The following CARNS1 variants were observed in gnomAD, a reference collection of about 807,000 sequenced individuals.
The protein encoded by CARNS1 is carnosine synthase 1.
CARNS1 carries 61 observed loss-of-function variants against 74.0 expected under a neutral mutation model. The ratio of observed to expected loss-of-function variants is 0.82; its 90% CI spans 0.67 to 1.02. The LOEUF (loss-of-function observed/expected upper bound fraction) is 1.02. Among genes scored for constraint, CARNS1 ranks in the 50% least tolerant of loss-of-function variants. The probability of loss-of-function intolerance (pLI) is 0.00; values close to 1 mark genes in which losing one functional copy is unlikely to be tolerated. For synonymous variants in CARNS1, 568 were observed against 605.5 expected, an observed-to-expected ratio of 0.94 and a Z score of 0.91; for missense variants, 1,278 against 1,308.4, an observed-to-expected ratio of 0.98 and a Z score of 0.36.
chr11:67,424,789 T>C lies in CARNS1; in HGVS notation c.*188T>C. On this transcript the variant is annotated 3_prime_UTR_variant, in exon 10 of 10. Coordinates refer to ENST00000687366, the MANE Select transcript of CARNS1 (RefSeq NM_001166222.2). ...CCAAGGCATCCTGGACTCAAGGGCC[T>C]CTTGCCCTCCCGAAGGCCCCAGTCC... 2 of 685,976 alleles carry C rather than the reference T, an allele frequency of 2.9e-6. No individual in the cohort carries two copies. The highest frequency in any genetic ancestry group is 3.6e-5 in the African/African-American group (2 of 55,546). 42.5% of individuals were successfully genotyped at this position (685,976 alleles called of 1,614,324 possible).
rs934250366 is a variant in CARNS1 at position 67,425,530 on chromosome 11, C to G, written c.*929C>G. ...ATTCAGGGAAGATGCTTTAAGAAAT[C>G]CTGCCTCTGTGCAGCAGAGGAGCTG... is the stretch of plus-strand genomic sequence containing the variant. On this transcript the variant is annotated 3_prime_UTR_variant, in exon 10 of 10. Coordinates refer to ENST00000687366, the MANE Select transcript of CARNS1 (RefSeq NM_001166222.2). The G allele has an allele frequency of 2.4e-5, 4 of 169,224 alleles. No individual in the cohort carries two copies. The highest frequency in any genetic ancestry group is 9.5e-5 in the African/African-American group (4 of 41,988). 10.5% of individuals were successfully genotyped at this position (169,224 alleles called of 1,614,324 possible).
Position 67,417,666 on chromosome 11 carries a change from T to C in CARNS1, c.263T>C (p.Val88Ala), listed in dbSNP as rs1863582093. The change falls in exon 3 of 10, where the codon GTG becomes GCG. Residue 88 changes from valine (V) to alanine (A), a missense_variant. Physicochemically the swap from Val to Ala is moderately conservative, Grantham distance 64. This residue lies in a region of CARNS1 where 104 missense variants were observed against 127.3 expected (regional missense o/e 0.82). Coordinates refer to ENST00000687366, the MANE Select transcript of CARNS1 (RefSeq NM_001166222.2). ...GLPETQDRGQ[V>A]PRTGCPGAEV... ...CCGGAGACTCAGGACCGCGGCCAGG[T>C]GCCCCGCACAGGTGCCCAAGGGCTC... 2 of 1,259,320 alleles carry C rather than the reference T, an allele frequency of 1.6e-6. No homozygotes were observed. The highest frequency in any genetic ancestry group is 2.0e-6 in the Non-Finnish European group (2 of 1,000,592). The allele number at this position is 1,259,320 out of a possible 1,614,324, so 78.0% of individuals were successfully genotyped here. A position where few individuals can be genotyped will look rare whatever the true frequency, so the allele number is the denominator to read the frequency against.
intron 9 of CARNS1, among the ~76,000 whole-genome samples, chr11:67,422,662 A>G (rs1334087864): frequency 6.6e-6 from 1 of 152,190 alleles, no homozygotes; most frequent in African/African-American, 2.4e-5. Context: ...ACAGATAAGA[A>G]AACTGAGGCC....
In CARNS1 at chr11:67,425,175, C is replaced by A; in HGVS notation, c.*574C>A. 1 of 429,278 alleles carries A rather than the reference C, an allele frequency of 2.3e-6. No homozygotes were observed. The highest frequency in any genetic ancestry group is 1.6e-5 in the South Asian group (1 of 61,362). 26.6% of individuals were successfully genotyped at this position (429,278 alleles called of 1,614,324 possible). ...CCTGTGGACAGAAGTAATCCTCTTT[C>A]TGCTCACCCCAGGCAGACACAACTG... On this transcript the variant is annotated 3_prime_UTR_variant, in exon 10 of 10. Coordinates refer to ENST00000687366, the MANE Select transcript of CARNS1 (RefSeq NM_001166222.2).
chr11:67,417,007 T>C, intron 2 of CARNS1: 1 of 1,002,180 alleles, frequency 1.0e-6, no homozygotes, highest in Non-Finnish European at 1.2e-6. Flanking sequence ...ATTCATCTAC[T>C]CTTCAGTCAA....
chr11:67,418,376 G>A, intron 3 of CARNS1, 55 bp from the exon 4 acceptor site: 1 of 1,303,462 alleles, frequency 7.7e-7, no homozygotes, highest in Non-Finnish European at 1.0e-6. Context: ...TGGAAGGTGG[G>A]CAGAGAGACA....
At chr11:67,416,769 AG>A (rs1863555559) in intron 2 of CARNS1, 8 of 986,330 alleles carry the variant, frequency 8.1e-6, no homozygotes, top group Non-Finnish European at 9.6e-6. Context: ...CCAGCCTCAG[AG>A]AGGGGAGGGA....
In CARNS1 at chr11:67,417,464, G is replaced by A; in HGVS notation, c.61G>A (p.Glu21Lys). The change falls in exon 3 of 10, where the codon GAG becomes AAG. Residue 21 changes from glutamate to lysine, a missense_variant. Around this residue, in one of 3 missense-constraint regions of CARNS1, gnomAD observed 104 missense variants for 127.3 expected, o/e 0.82. Coordinates refer to ENST00000687366, the MANE Select transcript of CARNS1 (RefSeq NM_001166222.2). ...TTGCCCACTGGGCTCCAAGGACCTG[G>A]AGGAAGAGGGCCCCTGGGGAGGGGG... ...WDCPLGSKDL[E>K]EEGPWGGGSG... 1 of 1,448,756 alleles carries A rather than the reference G, an allele frequency of 6.9e-7. No individual in the cohort carries two copies. Among genetic ancestry groups the A allele is most frequent in the Non-Finnish European group, 9.1e-7 (1 of 1,103,630 alleles). The allele number at this position is 1,448,756 out of a possible 1,614,324, so 89.7% of individuals were successfully genotyped here. A position where few individuals can be genotyped will look rare whatever the true frequency, so the allele number is the denominator to read the frequency against.
At chr11:67,417,170 T>G in intron 2 of CARNS1, 1 of 1,214,378 alleles carries the variant, frequency 8.2e-7, no homozygotes, top group Non-Finnish European at 1.0e-6. Context: ...TGGCAAGACA[T>G]TGCTTCCTGC....
Position 67,423,905 on chromosome 11 carries a change from C to T in CARNS1, c.2157C>T (p.Gly719=). The T allele has an allele frequency of 6.2e-7, 1 of 1,613,704 alleles. No homozygotes were observed. Among genetic ancestry groups the T allele is most frequent in the Non-Finnish European group, 8.5e-7 (1 of 1,179,894 alleles). Residue 719 remains glycine (G), a synonymous_variant, in exon 10 of 10, where the codon GGC becomes GGT. Coordinates refer to ENST00000687366, the MANE Select transcript of CARNS1 (RefSeq NM_001166222.2). This position sits in a 1 kb window ranked among gnomAD's most constrained non-coding sequence, Gnocchi z 5.1. ...ADHPGIGLGW[G]NAMLLMEFVE... ...ACCCAGGCATTGGGCTGGGCTGGGG[C>T]AATGCCATGCTGCTGATGGAGTTTG... is the stretch of plus-strand genomic sequence containing the variant.
At position 67,424,392 on chromosome 11, in the gene CARNS1, C is replaced by A. The variant is rs373275544; in HGVS notation, c.2644C>A (p.Leu882Met). Reference sequence around the variant, plus strand: ...GAGTTCCACCGCCAGCCGTGAGACCCTGCAGGCCCTGCACGACCGTGGACT... The same window carrying A: ...GAGTTCCACCGCCAGCCGTGAGACCATGCAGGCCCTGCACGACCGTGGACT... Reference protein sequence around the residue: ...ALSSTASRETLQALHDRGLLR... With the variant: ...ALSSTASRETMQALHDRGLLR... The change falls in exon 10 of 10, where the codon CTG (leucine) becomes ATG (methionine). Residue 882 changes from leucine (L) to methionine (M), a missense_variant. Leu to Met is a conservative substitution (Grantham distance 15). Coordinates refer to ENST00000687366, the MANE Select transcript of CARNS1 (RefSeq NM_001166222.2). 6.3e-7 allele frequency: 1 copy of A among 1,592,086 alleles called. No homozygotes were observed. Among genetic ancestry groups the A allele is most frequent in the African/African-American group, 1.3e-5 (1 of 74,560 alleles).
intron 2 of CARNS1, chr11:67,417,202 C>A: frequency 3.3e-6 from 4 of 1,228,068 alleles, no homozygotes; most frequent in Non-Finnish European, 4.1e-6. Context: ...GGGCACCACA[C>A]AGAACAGTTT....
chr11:67,421,045 GGCCGCGCC>G lies in CARNS1; in HGVS notation c.1455_1462del (p.Pro487GlyfsTer76). ...CGTGCGGCGCGCTGGAGGGGCTGTG[GGCCGCGCC>G]GCGGCTGGGGCCGGCGGCCGACGAG... On this transcript the variant is annotated frameshift_variant, in exon 9 of 10. Transcript: ENST00000687366. LOFTEE classifies it high-confidence loss of function. 1 of 1,359,386 alleles carries G rather than the reference GGCCGCGCC, an allele frequency of 7.4e-7. No individual in the cohort carries two copies. The highest frequency in any genetic ancestry group is 9.4e-7 in the Non-Finnish European group (1 of 1,066,872). The allele number at this position is 1,359,386 out of a possible 1,614,324, so 84.2% of individuals were successfully genotyped here. A position where few individuals can be genotyped will look rare whatever the true frequency, so the allele number is the denominator to read the frequency against.
Position 67,423,965 on chromosome 11 carries a change from G to A in CARNS1, c.2217G>A (p.Leu739=). 6.2e-7 allele frequency: 1 copy of A among 1,613,568 alleles called. No individual in the cohort carries two copies. Among genetic ancestry groups the A allele is most frequent in the East Asian group, 2.2e-5 (1 of 44,890 alleles). ...EGTEHDVDLV[L]FGGRLLAAFV... is the part of the protein sequence containing the mutation. Reference sequence around the variant, plus strand: ...CCGAGCACGACGTGGACCTGGTGTTGTTTGGTGGGCGGTTGCTGGCTGCCT... The same window carrying A: ...CCGAGCACGACGTGGACCTGGTGTTATTTGGTGGGCGGTTGCTGGCTGCCT... The change falls in exon 10 of 10, where the codon TTG becomes TTA. Residue 739 remains leucine (L), a synonymous_variant. Coordinates refer to ENST00000687366, the MANE Select transcript of CARNS1 (RefSeq NM_001166222.2). The surrounding 1 kb of genome is among the most constrained non-coding windows in gnomAD (Gnocchi z 5.1).
Position 67,420,815 on chromosome 11 carries a change from G to T in CARNS1, c.1320G>T (p.Gly440=). 1.6e-6 allele frequency: 2 copies of T among 1,222,988 alleles called. No homozygotes were observed. Among genetic ancestry groups the T allele is most frequent in the Non-Finnish European group, 2.0e-6 (2 of 983,378 alleles). 75.8% of individuals were successfully genotyped at this position (1,222,988 alleles called of 1,614,324 possible). The part of the protein sequence containing the change: ...EAGLSAEQRG[G]RRAHTDFLGV... ...GCCTGAGTGCCGAGCAGCGCGGCGG[G>T]CGCCGGGCGCACACGGACTTCCTGG... The change falls in exon 8 of 10, where the codon GGG becomes GGT. Residue 440 remains glycine, a synonymous_variant. Coordinates refer to ENST00000687366, the MANE Select transcript of CARNS1 (RefSeq NM_001166222.2).
Position 67,421,017 on chromosome 11 carries a change from A to G in CARNS1, c.1424A>G (p.Glu475Gly). Reference protein sequence around the residue: ...ALELNGGLCLEACGALEGLWA... With the variant: ...ALELNGGLCLGACGALEGLWA... ...GAGCTGAACGGCGGCCTGTGTCTGG[A>G]GGCGTGCGGCGCGCTGGAGGGGCTG... Residue 475 changes from glutamate (E) to glycine (G), a missense_variant, in exon 9 of 10, where the codon GAG becomes GGG. This residue lies in a region of CARNS1 where 1,164 missense variants were observed against 1,156.5 expected (regional missense o/e 1.01). Transcript: ENST00000687366. 1 of 1,381,830 alleles carries G rather than the reference A, an allele frequency of 7.2e-7. No homozygotes were observed. The highest frequency in any genetic ancestry group is 9.3e-7 in the Non-Finnish European group (1 of 1,074,380). The allele number at this position is 1,381,830 out of a possible 1,614,324, so 85.6% of individuals were successfully genotyped here.
chr11:67,424,649 G>T lies in CARNS1; in HGVS notation c.*48G>T, dbSNP rs1223167200. The T allele has an allele frequency of 1.9e-6, 3 of 1,540,128 alleles. No individual in the cohort carries two copies. The highest frequency in any genetic ancestry group is 2.6e-6 in the Non-Finnish European group (3 of 1,143,530). On this transcript the variant is annotated 3_prime_UTR_variant, in exon 10 of 10. Coordinates refer to ENST00000687366, the MANE Select transcript of CARNS1 (RefSeq NM_001166222.2). ...AGCAGTGCTGGGTGGAGGCACTGTG[G>T]TGCCCTCTGCTCCCTGGAGCTCTTC...
rs1050740878 is a variant in CARNS1 at position 67,421,141 on chromosome 11, A to T, written c.1548A>T (p.Gly516=). 1.0e-4 allele frequency: 154 copies of T among 1,489,464 alleles called. No homozygotes were observed. The highest frequency in any genetic ancestry group is 1.3e-4 in the Non-Finnish European group (152 of 1,126,454). The allele number at this position is 1,489,464 out of a possible 1,614,324, so 92.3% of individuals were successfully genotyped here. A position where few individuals can be genotyped will look rare whatever the true frequency, so the allele number is the denominator to read the frequency against. ...GGTCGGCGCGCTGCCTCATGGAGGG[A>T]AAACAGCTGCTGGTGGTCGGCGCTG... is the stretch of plus-strand genomic sequence containing the variant. ...LRRSARCLME[G]KQLLVVGAGG... Residue 516 remains glycine (G), a synonymous_variant, in exon 9 of 10, where the codon GGA becomes GGT. Coordinates refer to ENST00000687366, the MANE Select transcript of CARNS1 (RefSeq NM_001166222.2).
At chr11:67,420,560 TG>T in intron 7 of CARNS1, 48 bp from the exon 8 acceptor site, 2 of 1,147,964 alleles carry the variant, frequency 1.7e-6, no homozygotes, top group Non-Finnish European at 2.2e-6. Flanking sequence ...GGGGTGTGCG[TG>T]GGGGGCAGGG....
Sources: gnomAD v4.1 joint callset for allele counts (sites outside exome capture counted in the v4.1 genomes callset) on GRCh38, gnomAD v4.1.1 for gene constraint, gnomAD v4.1.1 regional missense constraint, Gnocchi (gnomAD v3.1) non-coding constraint, MANE v1.5 for transcripts, NCBI Gene and HGNC (gene_info 2026-07-23, HGNC 2026-07-21) for gene names.